PRKAB1: variants seen among roughly 807,000 people sequenced by gnomAD.
PRKAB1 encodes the protein 5'-AMP-activated protein kinase subunit beta-1.
Under a neutral mutation model 32.0 loss-of-function variants are expected in PRKAB1, and 18 were observed. The ratio of observed to expected loss-of-function variants is 0.56; its 90% CI spans 0.39 to 0.83. The LOEUF is 0.83. Ranked by LOEUF, PRKAB1 falls within the 40% of genes least tolerant of loss-of-function variation. PRKAB1 has a pLI of 0.00. For missense variants in PRKAB1, 263 were observed against 352.6 expected (o/e 0.75, Z 2.03); for synonymous variants, 141 against 141.4 (o/e 1.00, Z 0.02).
At chr12:119,676,382 A>G (rs1955426437) in intron 4 of PRKAB1, among the ~76,000 whole-genome samples, 155 bp from the exon 5 acceptor site, 1 of 152,176 alleles carries the variant, frequency 6.6e-6, no homozygotes, top group African/African-American at 2.4e-5. Flanking sequence ...CCTCTCCTCT[A>G]TTCTGCACTC....
rs755201627 is a variant in PRKAB1, at chr12:119,680,352, G to A, written c.*27G>A. 6.3e-7 allele frequency: 1 copy of A among 1,584,634 alleles called. No individual in the cohort carries two copies. Among genetic ancestry groups the A allele is most frequent in the Non-Finnish European group, 8.7e-7 (1 of 1,155,182 alleles). On this transcript the variant is annotated 3_prime_UTR_variant, in exon 7 of 7. Coordinates refer to ENST00000229328, the MANE Select transcript of PRKAB1 (RefSeq NM_006253.5). ...GAGCTGGGGGCGGATGGTGGCCCAG[G>A]AGACAGCACACCACCAGGCTCCACA...
chr12:119,675,217 A>G (rs1318255916), intron 4 of PRKAB1, among the ~76,000 whole-genome samples: 1 of 152,234 alleles, frequency 6.6e-6, no homozygotes, highest in African/African-American at 2.4e-5. Flanking sequence ...CTGGCAGAAT[A>G]TCTGGCGCCC....
chr12:119,670,710 C>T (rs1332136011), intron 1 of PRKAB1, among the ~76,000 whole-genome samples: 1 of 152,218 alleles, frequency 6.6e-6, no homozygotes, highest in Non-Finnish European at 1.5e-5. Context: ...CGTCCATTCT[C>T]ACTTCATTAG....
intron 1 of PRKAB1, 129 bp downstream of exon 1, chr12:119,668,532 A>G: frequency 7.8e-7 from 1 of 1,282,680 alleles, no homozygotes; most frequent in Middle Eastern, 1.9e-4. Flanking sequence ...TACCCGGTGC[A>G]CTTAAAAGCC....
intron 1 of PRKAB1, 141 bp downstream of exon 1, chr12:119,668,544 G>T: frequency 8.4e-7 from 1 of 1,187,286 alleles, no homozygotes; most frequent in Non-Finnish European, 1.2e-6. Flanking sequence ...TTAAAAGCCA[G>T]ATGGTCCTGT....
In PRKAB1 at chr12:119,668,269, G is replaced by C; in HGVS notation, c.25G>C (p.Ala9Pro). MGNTSSER[A>P]ALERHGGHKT... is the part of the protein sequence containing the mutation. ...CATGGGCAATACCAGCAGTGAGCGC[G>C]CCGCGCTGGAGCGGCATGGTGGCCA... is the stretch of plus-strand genomic sequence containing the variant. Residue 9 changes from alanine to proline, a missense_variant, in exon 1 of 7, where the codon GCC becomes CCC. Physicochemically the swap from Ala to Pro is conservative, Grantham distance 27 (BLOSUM62 -1). Transcript: ENST00000229328. 1 of 1,606,748 alleles carries C rather than the reference G, an allele frequency of 6.2e-7. No individual in the cohort carries two copies. The highest frequency in any genetic ancestry group is 8.5e-7 in the Non-Finnish European group (1 of 1,177,448).
In PRKAB1 at chr12:119,668,417, G is replaced by A. The variant is rs772877469; in HGVS notation, c.159+14G>A. The A allele has an allele frequency of 3.7e-6, 6 of 1,611,148 alleles. No individual in the cohort carries two copies. The highest frequency in any genetic ancestry group is 5.1e-6 in the Non-Finnish European group (6 of 1,178,914). ...GAGGAAATCAAGGTGCGAGCGGTGT[G>A]GAGGAACCCGATTCCCCTTGACTAA... On this transcript the variant is annotated intron_variant, in intron 1 of 6. Coordinates refer to ENST00000229328, the MANE Select transcript of PRKAB1 (RefSeq NM_006253.5).
rs764188990 is a variant in PRKAB1 at position 119,668,242 on chromosome 12, A to G, written c.-3A>G. 8 of 1,588,454 alleles carry G rather than the reference A, an allele frequency of 5.0e-6. No individual in the cohort carries two copies. The highest frequency in any genetic ancestry group is 6.8e-6 in the Non-Finnish European group (8 of 1,171,056). ...CTTCCCTGTGTCCCCGCAGACCCCC[A>G]TCATGGGCAATACCAGCAGTGAGCG... On this transcript the variant is annotated 5_prime_UTR_variant, in exon 1 of 7. Transcript: ENST00000229328.
chr12:119,671,451 G>C (rs943661862), intron 1 of PRKAB1: 5 of 408,040 alleles, frequency 1.2e-5, no homozygotes, highest in African/African-American at 1.0e-4. Flanking sequence ...GGCTGGGGAG[G>C]CCTTAGGAAA....
chr12:119,679,924 C>G lies in PRKAB1; in HGVS notation c.667-9C>G. On this transcript the variant is annotated splice_polypyrimidine_tract_variant and intron_variant, in intron 5 of 6. Coordinates refer to ENST00000229328, the MANE Select transcript of PRKAB1 (RefSeq NM_006253.5). The surrounding 1 kb of genome is among the most constrained non-coding windows in gnomAD (Gnocchi z 4.1). Reference sequence around the variant, plus strand: ...CCAAATGCTCACCGCTGCCTTTGTTCCCTCACAGTGTGATCCAGCTTTGCT... The same window carrying G: ...CCAAATGCTCACCGCTGCCTTTGTTGCCTCACAGTGTGATCCAGCTTTGCT... 6.2e-7 allele frequency: 1 copy of G among 1,613,788 alleles called. No homozygotes were observed. Among genetic ancestry groups the G allele is most frequent in the Non-Finnish European group, 8.5e-7 (1 of 1,179,692 alleles).
At chr12:119,671,963 A>G (rs935106040) in intron 1 of PRKAB1, among the ~76,000 whole-genome samples, 2 of 152,348 alleles carry the variant, frequency 1.3e-5, no homozygotes, top group Non-Finnish European at 2.9e-5. Context: ...GGAACATGAC[A>G]TTAAGCTAGT....
rs1483791584 is a variant in PRKAB1 at position 119,674,081 on chromosome 12, C to G, written c.417+24C>G. On this transcript the variant is annotated intron_variant, in intron 3 of 6. Transcript: ENST00000229328. This position sits in a 1 kb window ranked among gnomAD's most constrained non-coding sequence, Gnocchi z 4.3. ...AGGTACTCTTCCTCCCACCTCTGGT[C>G]CTCTGGGTGCCCGCACATTCCAAAC... The G allele has an allele frequency of 4.4e-6, 7 of 1,592,670 alleles. No individual in the cohort carries two copies. In the South Asian group the frequency reaches 7.8e-5, roughly 18 times the overall value.
At chr12:119,672,908 T>G (rs1051298032) in intron 2 of PRKAB1, among the ~76,000 whole-genome samples, 1 of 152,152 alleles carries the variant, frequency 6.6e-6, no homozygotes, top group Non-Finnish European at 1.5e-5. Context: ...TTCATCTAAC[T>G]TTGACTCTGC....
chr12:119,676,236 G>A (rs781436864), intron 4 of PRKAB1, among the ~76,000 whole-genome samples: 12 of 152,276 alleles, frequency 7.9e-5, no homozygotes, highest in Middle Eastern at 6.8e-3. Flanking sequence ...TCTGCCGTGC[G>A]TGTGGGATTA....
Position 119,668,172 on chromosome 12 carries a change from A to G in PRKAB1, c.-73A>G. The stretch of plus-strand genomic sequence containing the variant: ...GCTCCTTGGGACCCGCGGTTCCGGG[A>G]GTCCCTTGCTCAGGGTCCCTTTCCT... On this transcript the variant is annotated 5_prime_UTR_variant, in exon 1 of 7. Coordinates refer to ENST00000229328, the MANE Select transcript of PRKAB1 (RefSeq NM_006253.5). 1 of 1,412,594 alleles carries G rather than the reference A, an allele frequency of 7.1e-7. No homozygotes were observed. Among genetic ancestry groups the G allele is most frequent in the Non-Finnish European group, 9.2e-7 (1 of 1,083,716 alleles). 87.5% of individuals were successfully genotyped at this position (1,412,594 alleles called of 1,614,324 possible).
rs1259699799 is a variant in PRKAB1 at position 119,676,644 on chromosome 12, A to G, written c.640A>G (p.Ile214Val). ...PILPPHLLQV[I>V]LNKDTGISCD... ...TCTCCCCCCACATCTCCTCCAGGTCATCCTGAACAAGGACACGGGGATTTC... is the reference window on the plus strand; with the variant it reads ...TCTCCCCCCACATCTCCTCCAGGTCGTCCTGAACAAGGACACGGGGATTTC... The change falls in exon 5 of 7, where the codon ATC becomes GTC. Residue 214 changes from isoleucine to valine, a missense_variant. Ile to Val is a conservative substitution (Grantham distance 29). Coordinates refer to ENST00000229328, the MANE Select transcript of PRKAB1 (RefSeq NM_006253.5). 1 of 1,613,928 alleles carries G rather than the reference A, an allele frequency of 6.2e-7. No individual in the cohort carries two copies. Among genetic ancestry groups the G allele is most frequent in the Non-Finnish European group, 8.5e-7 (1 of 1,179,954 alleles).
intron 5 of PRKAB1, chr12:119,678,330 G>T (rs927491659): frequency 6.6e-6 from 1 of 152,228 alleles, no homozygotes; most frequent in Non-Finnish European, 1.5e-5. Context: ...ATGTGAAGTA[G>T]GTGCAATTAT....
At chr12:119,671,547 C>T in intron 1 of PRKAB1, 1 of 388,060 alleles carries the variant, frequency 2.6e-6, no homozygotes, top group Non-Finnish European at 5.3e-6. Context: ...GCTTATAAAA[C>T]CATCAGATCT....
chr12:119,676,055 G>A (rs186127597), intron 4 of PRKAB1, among the ~76,000 whole-genome samples: 61 of 152,308 alleles, frequency 4.0e-4, no homozygotes, highest in African/African-American at 1.4e-3. Context: ...TTTGAAATGT[G>A]CCTCGTTTAG....
Sources: gnomAD v4.1 joint callset for allele counts (sites outside exome capture counted in the v4.1 genomes callset) on GRCh38, gnomAD v4.1.1 for gene constraint, Gnocchi (gnomAD v3.1) non-coding constraint, MANE v1.5 for transcripts, NCBI Gene and HGNC (gene_info 2026-07-23, HGNC 2026-07-21) for gene names.